ATF2: variants seen among roughly 807,000 people sequenced by gnomAD.
ATF2 encodes the protein activating transcription factor 2, also known as cyclic AMP-dependent transcription factor ATF-2.
Under a neutral mutation model 60.6 loss-of-function variants are expected in ATF2, and 24 were observed. That is an observed-to-expected ratio of 0.40 (90% CI 0.29 to 0.56). The LOEUF is 0.56. Ranked by LOEUF, ATF2 falls within the 20% of genes least tolerant of loss-of-function variation. The pLI, the probability that ATF2 is intolerant of heterozygous loss-of-function variation, is 0.54. For missense variants in ATF2, 433 were observed against 607.7 expected, an observed-to-expected ratio of 0.71 and a Z score of 3.02; for synonymous variants, 206 against 215.4, an observed-to-expected ratio of 0.96 and a Z score of 0.38.
intron 4 of ATF2, 49 bp from the exon 5 acceptor site, chr2:175,121,589 A>G: frequency 7.3e-7 from 1 of 1,366,800 alleles, no homozygotes; most frequent in Non-Finnish European, 1.0e-6. Flanking sequence ...ATTTGATCAA[A>G]TAAGTAAAAT....
At chr2:175,115,106 C>T (rs1277353413) in intron 7 of ATF2, among the ~76,000 whole-genome samples, 3 of 149,372 alleles carry the variant, frequency 2.0e-5, no homozygotes, top group African/African-American at 7.4e-5. Context: ...ACAACTTGTT[C>T]TCCTATCAAT....
chr2:175,120,458 A>C (rs1358722440), intron 5 of ATF2, among the ~76,000 whole-genome samples: 4 of 151,712 alleles, frequency 2.6e-5, no homozygotes, highest in Non-Finnish European at 4.4e-5. Flanking sequence ...TCATTACAAA[A>C]ATTTCAATAC....
chr2:175,143,275 T>C (rs73039706), intron 2 of ATF2, among the ~76,000 whole-genome samples: 14,531 of 152,126 alleles, frequency 0.096, 771 homozygotes, highest in Middle Eastern at 0.17. Context: ...AAAACATGAC[T>C]CTATGACAAT....
intron 11 of ATF2, 46 bp from the exon 12 acceptor site, chr2:175,093,313 G>C: frequency 6.3e-7 from 1 of 1,577,020 alleles, no homozygotes; most frequent in East Asian, 2.3e-5. Context: ...TATCTAGTGA[G>C]TGAATTAACA....
intron 13 of ATF2, among the ~76,000 whole-genome samples, chr2:175,079,733 C>T (rs1444533788): frequency 1.3e-5 from 2 of 152,090 alleles, no homozygotes; most frequent in African/African-American, 2.4e-5. Context: ...GAACTGTTTG[C>T]ATCCAATACA....
chr2:175,156,066 T>C (rs1699659232), intron 1 of ATF2, among the ~76,000 whole-genome samples: 1 of 152,026 alleles, frequency 6.6e-6, no homozygotes, highest in South Asian at 2.1e-4. Context: ...ACAGTGCAGA[T>C]GTAAAAAGAC....
intron 9 of ATF2, among the ~76,000 whole-genome samples, chr2:175,112,183 G>A (rs969270547): frequency 4.6e-5 from 7 of 151,974 alleles, no homozygotes; most frequent in African/African-American, 1.7e-4. Context: ...AACACTGAGT[G>A]AACACAGTTA....
At chr2:175,142,316 G>C (rs1018262395) in intron 2 of ATF2, among the ~76,000 whole-genome samples, 3 of 151,268 alleles carry the variant, frequency 2.0e-5, no homozygotes, top group African/African-American at 7.3e-5. Context: ...TTACAGGCAC[G>C]CACCACCACT....
chr2:175,108,732 A>T (rs1428241384), intron 10 of ATF2, among the ~76,000 whole-genome samples: 1 of 152,190 alleles, frequency 6.6e-6, no homozygotes, highest in African/African-American at 2.4e-5. Flanking sequence ...TGCGGAATAG[A>T]AAAGGGGGAA....
intron 13 of ATF2, among the ~76,000 whole-genome samples, chr2:175,080,091 G>A (rs1156541567): frequency 3.9e-5 from 6 of 152,070 alleles, no homozygotes; most frequent in Non-Finnish European, 8.8e-5. Flanking sequence ...CATTTAGCAG[G>A]AAATTTACAA....
At chr2:175,166,761 G>A (rs1700373760) in intron 1 of ATF2, among the ~76,000 whole-genome samples, 1 of 152,116 alleles carries the variant, frequency 6.6e-6, no homozygotes, top group Non-Finnish European at 1.5e-5. Flanking sequence ...TCTTCAAATA[G>A]GACAAAAAGT....
intron 1 of ATF2, among the ~76,000 whole-genome samples, chr2:175,154,082 C>T (rs531990857): frequency 4.0e-4 from 60 of 151,254 alleles, no homozygotes; most frequent in African/African-American, 1.4e-3. Flanking sequence ...GGTGTGGTGG[C>T]ACACACCTGT....
chr2:175,139,645 C>T (rs1445353078), intron 2 of ATF2, among the ~76,000 whole-genome samples: 2 of 134,064 alleles, frequency 1.5e-5, no homozygotes, highest in African/African-American at 5.7e-5. Flanking sequence ...TGTGCTGCAA[C>T]AGAGTGAGAC....
intron 2 of ATF2, among the ~76,000 whole-genome samples, chr2:175,150,569 G>A (rs1836040): frequency 0.038 from 5,831 of 152,192 alleles, 131 homozygotes; most frequent in Admixed American, 0.094. Context: ...TTTCTGATCA[G>A]CATGAGACAA....
At chr2:175,142,706 A>T (rs1698637992) in intron 2 of ATF2, among the ~76,000 whole-genome samples, 1 of 124,654 alleles carries the variant, frequency 8.0e-6, no homozygotes, top group African/African-American at 2.8e-5. Context: ...AGAGAGAGAG[A>T]GAGAGAGAGA....
At chr2:175,160,168 T>C (rs1278967309) in intron 1 of ATF2, among the ~76,000 whole-genome samples, 2 of 152,136 alleles carry the variant, frequency 1.3e-5, no homozygotes, top group Non-Finnish European at 2.9e-5. Context: ...GAGGATTACT[T>C]GAGGCCAAGA....
At chr2:175,108,873 C>G (rs1221614890) in intron 10 of ATF2, among the ~76,000 whole-genome samples, 1 of 152,230 alleles carries the variant, frequency 6.6e-6, no homozygotes, top group East Asian at 1.9e-4. Flanking sequence ...TGACCTTACC[C>G]CCAATCATGT....
rs543003136 is a variant in ATF2, at chr2:175,140,460, C to T, written c.-43-3974G>A. ...AAAACCACAGCGACAGAAAGCAGAT[C>T]ACTGGTTGCTGAGGGACAGGAGTAG... On this transcript the variant is annotated intron_variant, in intron 2 of 13. Coordinates refer to ENST00000264110, the MANE Select transcript of ATF2 (RefSeq NM_001880.4). Among the ~76,000 whole-genome samples the T allele has an allele frequency of 4.6e-5, 7 of 152,156 alleles. No homozygotes were observed. In the East Asian group the frequency reaches 1.4e-3, roughly 29 times the overall value.
chr2:175,142,814 C>A (rs998574932), intron 2 of ATF2, among the ~76,000 whole-genome samples: 5 of 143,352 alleles, frequency 3.5e-5, no homozygotes, highest in African/African-American at 5.4e-5. Context: ...GAGAGAGCAA[C>A]AGCGAGCGAG....
Sources: gnomAD v4.1 joint callset for allele counts (sites outside exome capture counted in the v4.1 genomes callset) on GRCh38, gnomAD v4.1.1 for gene constraint, MANE v1.5 for transcripts, NCBI Gene and HGNC (gene_info 2026-07-23, HGNC 2026-07-21) for gene names.